Variants in PRKACB observed in about 807,000 individuals in gnomAD.
PRKACB encodes protein kinase cAMP-activated catalytic subunit beta, also known as cAMP-dependent protein kinase catalytic subunit beta.
Under a neutral mutation model 51.4 loss-of-function variants are expected in PRKACB, and 16 were observed. The observed-to-expected ratio is 0.31, with a 90% CI of 0.21 to 0.47. The LOEUF is 0.47. Ranked by LOEUF, PRKACB falls within the 20% of genes least tolerant of loss-of-function variation. The pLI, the probability that PRKACB is intolerant of heterozygous loss-of-function variation, is 1.00. For missense variants in PRKACB, 309 were observed against 464.5 expected (o/e 0.67, Z 3.08); for synonymous variants, 147 against 154.4 (o/e 0.95, Z 0.35).
chr1:84,131,929 T>C (rs181991790), intron 1 of PRKACB, among the ~76,000 whole-genome samples: 1 of 152,212 alleles, frequency 6.6e-6, no homozygotes, highest in East Asian at 1.9e-4. Context: ...CCCCTCGTAG[T>C]TCTTGCAGAG....
At chr1:84,189,283 A>G (rs992320037) in intron 5 of PRKACB, among the ~76,000 whole-genome samples, 1 of 151,936 alleles carries the variant, frequency 6.6e-6, no homozygotes, top group Non-Finnish European at 1.5e-5. Flanking sequence ...TATCTTGAGC[A>G]GGGAAATACA....
intron 9 of PRKACB, among the ~76,000 whole-genome samples, chr1:84,233,113 T>C (rs1572610121): frequency 6.6e-6 from 1 of 151,970 alleles, no homozygotes; most frequent in African/African-American, 2.4e-5. Context: ...GGCCTGGTGG[T>C]GACAAAGTCT....
intron 1 of PRKACB, among the ~76,000 whole-genome samples, chr1:84,102,239 T>C (rs1380183964): frequency 6.6e-6 from 1 of 151,448 alleles, no homozygotes; most frequent in Non-Finnish European, 1.5e-5. Flanking sequence ...CTACAAAAAT[T>C]AGCTGGGCGT....
intron 1 of PRKACB, among the ~76,000 whole-genome samples, chr1:84,111,337 C>A (rs538268991): frequency 6.6e-6 from 1 of 152,210 alleles, no homozygotes; most frequent in South Asian, 2.1e-4. Context: ...ATGAGTCTTT[C>A]TGTACTGCTA....
At chr1:84,217,885 T>C (rs1352477182) in intron 9 of PRKACB, among the ~76,000 whole-genome samples, 1 of 152,240 alleles carries the variant, frequency 6.6e-6, no homozygotes, top group Non-Finnish European at 1.5e-5. Context: ...TTATTTTTTG[T>C]TGTTGTAATT....
At chr1:84,195,005 G>T (rs939391019) in intron 5 of PRKACB, among the ~76,000 whole-genome samples, 8 of 152,122 alleles carry the variant, frequency 5.3e-5, no homozygotes, top group Non-Finnish European at 1.2e-4. Flanking sequence ...TATTTTATAA[G>T]TAAAAAGTAA....
chr1:84,078,865 A>G (rs964862296), intron 1 of PRKACB, among the ~76,000 whole-genome samples: 4 of 152,162 alleles, frequency 2.6e-5, no homozygotes, highest in Non-Finnish European at 5.9e-5. Context: ...TGAGTGGACA[A>G]CCCTGCCTTA....
intron 7 of PRKACB, among the ~76,000 whole-genome samples, chr1:84,201,705 C>T (rs1056904491): frequency 6.6e-6 from 1 of 151,864 alleles, no homozygotes; most frequent in African/African-American, 2.4e-5. Flanking sequence ...TGTGGTGAGT[C>T]GTGATGGTAG....
intron 1 of PRKACB, among the ~76,000 whole-genome samples, chr1:84,092,241 C>A (rs528058613): frequency 6.6e-6 from 1 of 152,270 alleles, no homozygotes; most frequent in Admixed American, 6.5e-5. Flanking sequence ...TGCCTGTACC[C>A]AATCATTGCT....
At chr1:84,104,327 A>G (rs1340879032) in intron 1 of PRKACB, among the ~76,000 whole-genome samples, 1 of 152,124 alleles carries the variant, frequency 6.6e-6, no homozygotes, top group Admixed American at 6.5e-5. Flanking sequence ...TGTTATGTCT[A>G]AATAGTAGGT....
intron 1 of PRKACB, among the ~76,000 whole-genome samples, chr1:84,102,985 G>A (rs1649467145): frequency 6.6e-6 from 1 of 152,054 alleles, no homozygotes; most frequent in African/African-American, 2.4e-5. Context: ...TGTCTCTTTA[G>A]TTCACAAGTC....
At chr1:84,144,167 TG>T (rs796821911), upstream of PRKACB, 71 of 1,119,050 alleles carry the variant, frequency 6.3e-5, no homozygotes, top group African/African-American at 1.1e-3. Context: ...CAACTCTAGC[TG>T]AAAAGTGTTT....
At chr1:84,092,982 C>T (rs921717820) in intron 1 of PRKACB, among the ~76,000 whole-genome samples, 2 of 150,880 alleles carry the variant, frequency 1.3e-5, no homozygotes, top group African/African-American at 4.9e-5. Flanking sequence ...AACATGGGTA[C>T]AGGATTTTCC....
intron 9 of PRKACB, 75 bp from the exon 10 acceptor site, chr1:84,235,105 A>T: frequency 6.8e-7 from 1 of 1,468,274 alleles, no homozygotes; most frequent in Non-Finnish European, 9.3e-7. Flanking sequence ...GTGGGAATTT[A>T]TTTTTCTTGG....
At chr1:84,228,508 A>C (rs555754323) in intron 9 of PRKACB, among the ~76,000 whole-genome samples, 1 of 97,722 alleles carries the variant, frequency 1.0e-5, no homozygotes, top group East Asian at 2.5e-4. Flanking sequence ...AAGGCTGTGC[A>C]GATTATGATT....
upstream of PRKACB, among the ~76,000 whole-genome samples, chr1:84,143,540 C>T (rs1036071303): frequency 1.3e-5 from 2 of 152,140 alleles, no homozygotes. Flanking sequence ...TTAAAATTAA[C>T]ATGTCTCAGC....
At chr1:84,112,208 C>T (rs1435919245) in intron 1 of PRKACB, among the ~76,000 whole-genome samples, 1 of 150,626 alleles carries the variant, frequency 6.6e-6, no homozygotes, top group Non-Finnish European at 1.5e-5. Flanking sequence ...TAGATGGTGT[C>T]CTAAGTTGGA....
At chr1:84,125,983 G>C (rs1398937186) in intron 1 of PRKACB, among the ~76,000 whole-genome samples, 1 of 151,828 alleles carries the variant, frequency 6.6e-6, no homozygotes, top group African/African-American at 2.4e-5. Flanking sequence ...CTCACGGGAC[G>C]GGGAGCATGC....
intron 1 of PRKACB, among the ~76,000 whole-genome samples, chr1:84,146,081 T>G (rs971950513): frequency 6.6e-6 from 1 of 151,932 alleles, no homozygotes; most frequent in Non-Finnish European, 1.5e-5. Flanking sequence ...AAAACATATT[T>G]TAAAATCTAG....
Sources: gnomAD v4.1 joint callset for allele counts (sites outside exome capture counted in the v4.1 genomes callset) on GRCh38, gnomAD v4.1.1 for gene constraint, MANE v1.5 for transcripts, NCBI Gene and HGNC (gene_info 2026-07-23, HGNC 2026-07-21) for gene names.